The following KDM2B variants were observed in gnomAD, a reference collection of about 807,000 sequenced individuals.
KDM2B encodes lysine-specific demethylase 2B.
In KDM2B, 26 loss-of-function variants were observed where a neutral mutation model predicts 150.0. The ratio of observed to expected loss-of-function variants is 0.17; its 90% CI spans 0.13 to 0.24. The LOEUF (loss-of-function observed/expected upper bound fraction) is 0.24. Among genes scored for constraint, KDM2B ranks in the 10% least tolerant of loss-of-function variants. The pLI is 1.00. For synonymous variants in KDM2B, 734 were observed against 729.5 expected, an observed-to-expected ratio of 1.01 and a Z score of -0.10; for missense variants, 1,265 against 1,816.9, an observed-to-expected ratio of 0.70 and a Z score of 5.52.
Position 121,513,708 on chromosome 12 carries a change from G to C in KDM2B, c.1048-306C>G, listed in dbSNP as rs1256718878. On this transcript the variant is annotated intron_variant, in intron 9 of 22. Transcript: ENST00000377071. This position sits in a 1 kb window ranked among gnomAD's most constrained non-coding sequence, Gnocchi z 5.0. ...ATGCAGAAAAACAGAATTCTCCCCT[G>C]ACCTGCCTGCAGAGAGTGTGGGCAC... Among the ~76,000 whole-genome samples, 9 of 151,834 alleles carry C rather than the reference G, an allele frequency of 5.9e-5. No homozygotes were observed. The highest frequency in any genetic ancestry group is 2.2e-4 in the African/African-American group (9 of 41,410).
chr12:121,509,675 T>C lies in KDM2B; in HGVS notation c.1539A>G (p.Glu513=), dbSNP rs1458284863. The C allele has an allele frequency of 3.1e-6, 5 of 1,613,932 alleles. No homozygotes were observed. The highest frequency in any genetic ancestry group is 4.2e-6 in the Non-Finnish European group (5 of 1,180,022). Residue 513 remains glutamate (E), a synonymous_variant, in exon 11 of 23, where the codon GAA becomes GAG. Transcript: ENST00000377071. ...CCACCAGAGCTTTCAGGCCCTTCAG[T>C]TCAAACTCAGTGAGATGGGTCCATT... ...SAKWTHLTEF[E]LKGLKALVEK...
chr12:121,580,169 CCA>C, intron 1 of KDM2B: 4 of 1,545,360 alleles, frequency 2.6e-6, no homozygotes, highest in Non-Finnish European at 3.5e-6. Flanking sequence ...ATAAAGCAAG[CCA>C]GAGCCGAGAT....
chr12:121,580,205 T>TA lies in KDM2B; in HGVS notation c.126+580dup, dbSNP rs1380361019. ...ATCTACAAAGTTTTGCACCAACACTTAGGCAGATCCGTTTGCAAAGTCCTA... is the reference window on the plus strand; with the variant it reads ...ATCTACAAAGTTTTGCACCAACACTTAAGGCAGATCCGTTTGCAAAGTCCTA... On this transcript the variant is annotated intron_variant, in intron 1 of 22. Transcript: ENST00000377071. The TA allele has an allele frequency of 7.0e-5, 100 of 1,420,876 alleles. No homozygotes were observed. The East Asian group carries it at 2.6e-3, about 37-fold the overall frequency. 88.0% of individuals were successfully genotyped at this position (1,420,876 alleles called of 1,614,324 possible). A position where few individuals can be genotyped will look rare whatever the true frequency, so the allele number is the denominator to read the frequency against.
At chr12:121,480,391 G>A (rs1881958962) in intron 12 of KDM2B, among the ~76,000 whole-genome samples, 1 of 152,082 alleles carries the variant, frequency 6.6e-6, no homozygotes, top group African/African-American at 2.4e-5. Context: ...TATGGGACAT[G>A]TGGCTCTTTG....
chr12:121,536,079 G>A (rs1888068825), intron 6 of KDM2B: 13 of 985,794 alleles, frequency 1.3e-5, no homozygotes, highest in Non-Finnish European at 1.4e-5. Context: ...GGAATGGGGC[G>A]GGGACGGACA....
chr12:121,456,053 C>T (rs1296707380), intron 12 of KDM2B, among the ~76,000 whole-genome samples: 1 of 152,242 alleles, frequency 6.6e-6, no homozygotes. Flanking sequence ...CATCACTTTA[C>T]TGATGATATT....
At chr12:121,567,733 C>T (rs1323674166) in intron 4 of KDM2B, among the ~76,000 whole-genome samples, 5 of 123,568 alleles carry the variant, frequency 4.0e-5, no homozygotes, top group Non-Finnish European at 6.5e-5. Context: ...TTTTTTGAGA[C>T]GGAGTCTCAC....
chr12:121,502,720 G>T (rs974993141), intron 11 of KDM2B, among the ~76,000 whole-genome samples: 2 of 134,896 alleles, frequency 1.5e-5, no homozygotes, highest in African/African-American at 5.7e-5. Flanking sequence ...CAAGGAGTTC[G>T]AGACCAGCCT....
In KDM2B at chr12:121,543,255, C is replaced by T. The variant is rs1023374728; in HGVS notation, c.683+5622G>A. Among the ~76,000 whole-genome samples, 19 of 152,204 alleles carry T rather than the reference C, an allele frequency of 1.2e-4. 1 individual carries two copies. In the South Asian group the frequency reaches 3.3e-3, roughly 27 times the overall value. ...CCTGTAATCCCAGCTACTTGGGAGG[C>T]TGATGCAGGAGAATCGCTTGAACCC... On this transcript the variant is annotated intron_variant, in intron 6 of 22. Coordinates refer to ENST00000377071, the MANE Select transcript of KDM2B (RefSeq NM_032590.5).
At chr12:121,466,559 G>A (rs1879969402) in intron 12 of KDM2B, among the ~76,000 whole-genome samples, 1 of 151,688 alleles carries the variant, frequency 6.6e-6, no homozygotes, top group South Asian at 2.1e-4. Context: ...CCGGGTTCCG[G>A]GTGGCCCGCG....
chr12:121,477,592 T>G (rs2139870197), intron 12 of KDM2B, among the ~76,000 whole-genome samples: 1 of 150,852 alleles, frequency 6.6e-6, no homozygotes, highest in South Asian at 2.1e-4. Flanking sequence ...TTTTTTTTTT[T>G]TGGAGATGGA....
intron 6 of KDM2B, among the ~76,000 whole-genome samples, chr12:121,538,248 G>A (rs1888325537): frequency 6.6e-6 from 1 of 152,032 alleles, no homozygotes; most frequent in Admixed American, 6.5e-5. Context: ...GGGGGTGCAG[G>A]GCTGGCTCTC....
At chr12:121,573,071 G>A (rs917304899) in intron 4 of KDM2B, among the ~76,000 whole-genome samples, 8 of 151,154 alleles carry the variant, frequency 5.3e-5, no homozygotes, top group African/African-American at 9.7e-5. Context: ...TGATCCTCCC[G>A]CCTCAGCCTC....
chr12:121,566,486 G>A (rs28634314), intron 4 of KDM2B, among the ~76,000 whole-genome samples: 11,005 of 152,202 alleles, frequency 0.072, 564 homozygotes, highest in Middle Eastern at 0.21. Flanking sequence ...GCTGGGCATG[G>A]TGGCGGGTGC....
intron 6 of KDM2B, among the ~76,000 whole-genome samples, chr12:121,540,374 G>T (rs145261814): frequency 1.0e-3 from 154 of 152,234 alleles, no homozygotes; most frequent in Non-Finnish European, 1.5e-3. Context: ...GCTGATGAGA[G>T]AGTAGGTCTT....
At position 121,558,173 on chromosome 12, in the gene KDM2B, C is replaced by G. The variant is rs144414256; in HGVS notation, c.398-8535G>C. On this transcript the variant is annotated intron_variant, in intron 4 of 22. Coordinates refer to ENST00000377071, the MANE Select transcript of KDM2B (RefSeq NM_032590.5). Reference sequence around the variant, plus strand: ...CTAGTCCAGATTTCTAGAACAGAGACTGGTGCAGGCTAGGAGCTCACTCTT... The same window carrying G: ...CTAGTCCAGATTTCTAGAACAGAGAGTGGTGCAGGCTAGGAGCTCACTCTT... Among the ~76,000 whole-genome samples, 219 of 152,366 alleles carry G rather than the reference C, an allele frequency of 1.4e-3. 1 individual carries two copies. The highest frequency in any genetic ancestry group is 5.1e-3 in the African/African-American group (212 of 41,584).
At chr12:121,496,342 A>G (rs568152462) in intron 11 of KDM2B, among the ~76,000 whole-genome samples, 110 of 152,288 alleles carry the variant, frequency 7.2e-4, no homozygotes, top group African/African-American at 2.6e-3. Flanking sequence ...CCGGACATTT[A>G]AGAACAGAGT....
downstream of KDM2B, among the ~76,000 whole-genome samples, chr12:121,425,802 T>C (rs1872486469): frequency 1.3e-5 from 2 of 151,582 alleles, no homozygotes; most frequent in Non-Finnish European, 2.9e-5. Flanking sequence ...AGTCTCGCTC[T>C]GTTGCCCAGG....
chr12:121,440,871 T>A lies in KDM2B; in HGVS notation c.3555A>T (p.Gly1185=), dbSNP rs368057347. Residue 1185 remains glycine, a synonymous_variant, in exon 21 of 23, where the codon GGA becomes GGT. Transcript: ENST00000377071. ...LRTLDVQWVE[G]LKDAQMRDLL... is the part of the protein sequence containing the mutation. Reference sequence around the variant, plus strand: ...GATCCCGCATCTGGGCATCCTTTAGTCCCTCCACCCACTGGACATCCAGGG... The same window carrying A: ...GATCCCGCATCTGGGCATCCTTTAGACCCTCCACCCACTGGACATCCAGGG... The A allele has an allele frequency of 1.9e-5, 30 of 1,614,022 alleles. No individual in the cohort carries two copies. The African/African-American group carries it at 3.7e-4, about 20-fold the overall frequency.
Sources: gnomAD v4.1 joint callset for allele counts (sites outside exome capture counted in the v4.1 genomes callset) on GRCh38, gnomAD v4.1.1 for gene constraint, Gnocchi (gnomAD v3.1) non-coding constraint, MANE v1.5 for transcripts, NCBI Gene and HGNC (gene_info 2026-07-23, HGNC 2026-07-21) for gene names.